The following WDR59 variants were observed in gnomAD, a reference collection of about 807,000 sequenced individuals.
WDR59 encodes GATOR2 complex protein WDR59.
A neutral mutation model predicts 131.2 loss-of-function variants in WDR59; 100 were observed. The ratio of observed to expected loss-of-function variants is 0.76; its 90% CI spans 0.65 to 0.90. The LOEUF is 0.90. Among genes scored for constraint, WDR59 ranks in the 40% least tolerant of loss-of-function variants. The pLI is 0.00. For missense variants in WDR59, 1,203 were observed against 1,262.2 expected, an observed-to-expected ratio of 0.95 and a Z score of 0.71; for synonymous variants, 601 against 466.2, an observed-to-expected ratio of 1.29 and a Z score of -3.72.
intron 1 of WDR59, among the ~76,000 whole-genome samples, chr16:74,983,921 C>A (rs1444404333): frequency 6.6e-6 from 1 of 151,662 alleles, no homozygotes; most frequent in Non-Finnish European, 1.5e-5. Context: ...CGAAGCTGAA[C>A]TGAGCGGTGA....
At chr16:74,902,162 G>A (rs1333409027) in intron 18 of WDR59, among the ~76,000 whole-genome samples, 1 of 151,990 alleles carries the variant, frequency 6.6e-6, no homozygotes, top group East Asian at 1.9e-4. Flanking sequence ...TTGTGTATTT[G>A]GTATATATCA....
chr16:74,981,633 T>TACATATATATATATATATAC (rs2034414385), intron 1 of WDR59, among the ~76,000 whole-genome samples: 15 of 17,568 alleles, frequency 8.5e-4, no homozygotes, highest in African/African-American at 3.0e-3. Context: ...TATATATATA[T>TACATATATATATATATATAC]ATATATATAT....
At chr16:74,929,676 T>A (rs2031204351) in intron 8 of WDR59, among the ~76,000 whole-genome samples, 2 of 152,116 alleles carry the variant, frequency 1.3e-5, no homozygotes, top group Non-Finnish European at 2.9e-5. Flanking sequence ...ACCCCACTGC[T>A]AGGTATACAC....
chr16:74,893,808 G>A lies in WDR59; in HGVS notation c.1871C>T (p.Ser624Leu). The A allele has an allele frequency of 1.2e-6, 2 of 1,614,058 alleles. No homozygotes were observed. Among genetic ancestry groups the A allele is most frequent in the Non-Finnish European group, 1.7e-6 (2 of 1,179,994 alleles). The change falls in exon 19 of 26, where the codon TCA becomes TTA. Residue 624 changes from serine to leucine, a missense_variant. By Grantham distance (145) the Ser-to-Leu change is moderately radical. Transcript: ENST00000262144. ...ISSFYYKERKSRRWKSKREGS... is the reference protein window; with the variant it reads ...ISSFYYKERKLRRWKSKREGS... The stretch of plus-strand genomic sequence containing the variant: ...CTCACGCTTACTTTTCCATCGTCTT[G>A]ATTTCTAGGGGTAGATGACAGGATG...
At chr16:74,894,617 G>A (rs1447053059) in intron 18 of WDR59, among the ~76,000 whole-genome samples, 3 of 152,150 alleles carry the variant, frequency 2.0e-5, no homozygotes, top group African/African-American at 7.2e-5. Context: ...GGTCACCAAA[G>A]TGATTCAACT....
At position 74,951,645 on chromosome 16, in the gene WDR59, T is replaced by C. The variant is rs376864967; in HGVS notation, c.241-102A>G. 268 of 968,666 alleles carry C rather than the reference T, an allele frequency of 2.8e-4. 5 individuals are homozygous for C. In the South Asian group the frequency reaches 2.9e-3, roughly 10 times the overall value. 60.0% of individuals were successfully genotyped at this position (968,666 alleles called of 1,614,324 possible). A position where few individuals can be genotyped will look rare whatever the true frequency, so the allele number is the denominator to read the frequency against. The stretch of plus-strand genomic sequence containing the variant: ...AAGAGGAAGCCAGGGATCTCATGCA[T>C]GGCAAAGATCCTTCAGGCTGAACTT... On this transcript the variant is annotated intron_variant, in intron 3 of 25. Coordinates refer to ENST00000262144, the MANE Select transcript of WDR59 (RefSeq NM_030581.4).
chr16:74,921,822 G>GTA, intron 10 of WDR59, 125 bp downstream of exon 10: 1 of 1,226,100 alleles, frequency 8.2e-7, no homozygotes, highest in Admixed American at 2.8e-5. Flanking sequence ...CAACAGCCCT[G>GTA]GCTCTCTGGT....
intron 18 of WDR59, chr16:74,899,903 T>TA (rs1457992792): frequency 1.8e-6 from 1 of 557,956 alleles, no homozygotes; most frequent in African/African-American, 2.0e-5. Flanking sequence ...TGGGAACGAC[T>TA]AAAAAATCTG....
intron 1 of WDR59, among the ~76,000 whole-genome samples, chr16:74,972,129 G>T (rs1424897575): frequency 6.6e-6 from 1 of 152,184 alleles, no homozygotes; most frequent in Non-Finnish European, 1.5e-5. Context: ...GTTCTTAGAA[G>T]TCTTTGTTCC....
In WDR59 at chr16:74,888,275, A is replaced by G. The variant is rs776286734; in HGVS notation, c.2240T>C (p.Met747Thr). 1.9e-6 allele frequency: 3 copies of G among 1,614,088 alleles called. No individual in the cohort carries two copies. Among genetic ancestry groups the G allele is most frequent in the South Asian group, 1.1e-5 (1 of 91,076 alleles). ...CTGGGCTTCAAACACGCTACAGAGC[A>G]TCGCCAGTGTCTGAACATCCCGGAG... Reference protein sequence around the residue: ...CRLRDVQTLAMLCSVFEAQSR... With the variant: ...CRLRDVQTLATLCSVFEAQSR... The change falls in exon 22 of 26, where the codon ATG becomes ACG. Residue 747 changes from methionine (M) to threonine (T), a missense_variant. Transcript: ENST00000262144.
chr16:74,913,206 A>C (rs1317966074), intron 13 of WDR59, among the ~76,000 whole-genome samples: 1 of 151,632 alleles, frequency 6.6e-6, no homozygotes, highest in Non-Finnish European at 1.5e-5. Context: ...ACAAAGACAA[A>C]CAACACAGAG....
At chr16:74,950,907 A>G (rs927788842) in intron 4 of WDR59, among the ~76,000 whole-genome samples, 3 of 151,522 alleles carry the variant, frequency 2.0e-5, no homozygotes, top group African/African-American at 7.3e-5. Flanking sequence ...TGTAATCCCA[A>G]CACTTTGGGA....
intron 1 of WDR59, among the ~76,000 whole-genome samples, chr16:74,976,577 G>A (rs1032154129): frequency 7.9e-5 from 12 of 151,880 alleles, no homozygotes; most frequent in Non-Finnish European, 1.0e-4. Context: ...GAGTAGCTGG[G>A]ACTACAGGTG....
At chr16:74,979,273 G>A (rs1228981835) in intron 1 of WDR59, among the ~76,000 whole-genome samples, 1 of 151,720 alleles carries the variant, frequency 6.6e-6, no homozygotes, top group Non-Finnish European at 1.5e-5. Context: ...GACAATCCTG[G>A]CTAACACAGT....
intron 8 of WDR59, among the ~76,000 whole-genome samples, chr16:74,933,502 T>C (rs1597742892): frequency 6.6e-6 from 1 of 152,244 alleles, no homozygotes; most frequent in Non-Finnish European, 1.5e-5. Flanking sequence ...TTAAAAATGC[T>C]ACCATTCTTA....
Position 74,916,231 on chromosome 16 carries a change from A to G in WDR59, c.995T>C (p.Val332Ala), listed in dbSNP as rs760823907. 9.3e-6 allele frequency: 15 copies of G among 1,614,008 alleles called. No individual in the cohort carries two copies. Among genetic ancestry groups the G allele is most frequent in the Admixed American group, 6.7e-5 (4 of 60,006 alleles). Reference protein sequence around the residue: ...RLCANDILDGVDEFIESISLL... With the variant: ...RLCANDILDGADEFIESISLL... The stretch of plus-strand genomic sequence containing the variant: ...GGAAATACTCTCAATGAACTCATCA[A>G]CACCATCTAATATGTCATTTGCACA... Residue 332 changes from valine (V) to alanine (A), a missense_variant, in exon 12 of 26, where the codon GTT becomes GCT. Transcript: ENST00000262144.
At chr16:74,981,641 TATA>T (rs2034420879) in intron 1 of WDR59, among the ~76,000 whole-genome samples, 3 of 50,222 alleles carry the variant, frequency 6.0e-5, no homozygotes, top group African/African-American at 4.1e-4. Flanking sequence ...TATATATATA[TATA>T]TATATATATA....
chr16:74,983,292 G>A (rs2034498944), intron 1 of WDR59, among the ~76,000 whole-genome samples: 1 of 152,024 alleles, frequency 6.6e-6, no homozygotes, highest in African/African-American at 2.4e-5. Flanking sequence ...GGCCAACAGA[G>A]CGAAACCCCG....
intron 1 of WDR59, among the ~76,000 whole-genome samples, chr16:74,983,301 C>T (rs1260274405): frequency 1.3e-5 from 2 of 151,926 alleles, no homozygotes; most frequent in Admixed American, 6.6e-5. Flanking sequence ...AGCGAAACCC[C>T]GTCTCTACAA....
Sources: allele counts gnomAD v4.1 joint callset (sites outside exome capture counted in the v4.1 genomes callset), GRCh38; gene constraint gnomAD v4.1.1; transcripts MANE v1.5; gene names NCBI Gene and HGNC (gene_info 2026-07-23, HGNC 2026-07-21).